The following ITSN1 variants were observed in gnomAD, a reference collection of about 807,000 sequenced individuals.
The protein encoded by ITSN1 is intersectin-1.
ITSN1 carries 58 observed loss-of-function variants against 239.8 expected under a neutral mutation model. The ratio of observed to expected loss-of-function variants is 0.24; its 90% CI spans 0.20 to 0.30. ITSN1 has a LOEUF of 0.30. ITSN1 is among the 10% of genes least tolerant of loss of function. The pLI is 1.00. For synonymous variants in ITSN1, 780 were observed against 770.8 expected, an observed-to-expected ratio of 1.01 and a Z score of -0.20; for missense variants, 1,558 against 2,103.3, an observed-to-expected ratio of 0.74 and a Z score of 5.07.
chr21:33,734,910 A>G, intron 4 of ITSN1, 134 bp from the exon 5 acceptor site: 1 of 618,132 alleles, frequency 1.6e-6, no homozygotes, highest in Non-Finnish European at 2.6e-6. Context: ...AGTTTGGTAA[A>G]CAGTTATGTT....
intron 1 of ITSN1, among the ~76,000 whole-genome samples, chr21:33,692,003 G>A (rs570603990): frequency 6.6e-6 from 1 of 152,346 alleles, no homozygotes; most frequent in Admixed American, 6.5e-5. Context: ...CATCAAAGGT[G>A]GGGGTGAGGA....
At chr21:33,826,993 C>A in intron 26 of ITSN1, 130 bp downstream of exon 26, 1 of 731,696 alleles carries the variant, frequency 1.4e-6, no homozygotes, top group Non-Finnish European at 2.3e-6. Context: ...GAGAGTAAGT[C>A]CTTTCCTTGG....
chr21:33,695,566 T>C (rs2091756540), intron 1 of ITSN1, among the ~76,000 whole-genome samples: 1 of 152,228 alleles, frequency 6.6e-6, no homozygotes, highest in African/African-American at 2.4e-5. Flanking sequence ...CAGTGAAATT[T>C]GAATGTGCAA....
intron 1 of ITSN1, among the ~76,000 whole-genome samples, chr21:33,665,517 A>T (rs2089872563): frequency 1.3e-5 from 2 of 152,216 alleles, no homozygotes; most frequent in African/African-American, 2.4e-5. Flanking sequence ...AAGAAACTGG[A>T]ATCCTCATAT....
chr21:33,711,653 TGTGTGTG>T (rs1215361629), intron 1 of ITSN1, among the ~76,000 whole-genome samples: 22 of 10,804 alleles, frequency 2.0e-3, no homozygotes, highest in East Asian at 0.025. Context: ...TTCTGTGTGT[TGTGTGTG>T]TGTGTGTGTG....
intron 33 of ITSN1, among the ~76,000 whole-genome samples, chr21:33,868,570 C>G (rs1021307520): frequency 6.6e-6 from 1 of 152,206 alleles, no homozygotes; most frequent in Non-Finnish European, 1.5e-5. Flanking sequence ...GTGCTAAGTC[C>G]CTCATTGCCC....
At chr21:33,814,177 T>C (rs2073112045) in intron 22 of ITSN1, 105 bp downstream of exon 22, 7 of 1,272,234 alleles carry the variant, frequency 5.5e-6, no homozygotes, top group South Asian at 1.5e-5. Flanking sequence ...CCTTGTTATG[T>C]GTGTCTTGGT....
At chr21:33,781,220 A>C (rs1027675033) in intron 14 of ITSN1, among the ~76,000 whole-genome samples, 1 of 152,204 alleles carries the variant, frequency 6.6e-6, no homozygotes. Flanking sequence ...ATATCCGGTA[A>C]GTCAACAAAA....
chr21:33,670,612 A>G (rs1343090678), intron 1 of ITSN1, among the ~76,000 whole-genome samples: 1 of 152,192 alleles, frequency 6.6e-6, no homozygotes, highest in African/African-American at 2.4e-5. Flanking sequence ...ACATGCATGA[A>G]TCATTGCAGC....
rs868412077 is a variant in ITSN1 at position 33,756,282 on chromosome 21, C to T, written c.724+885C>T. Among the ~76,000 whole-genome samples the T allele has an allele frequency of 1.7e-4, 22 of 129,266 alleles. 1 individual carries two copies. The South Asian group carries it at 3.8e-3, about 22-fold the overall frequency. 84.8% of individuals were successfully genotyped at this position (129,266 alleles called of 152,430 possible). On this transcript the variant is annotated intron_variant, in intron 8 of 39. Transcript: ENST00000381318. Reference sequence around the variant, plus strand: ...CATCCTGGGCTGCAGAGTGAGACTCCGTCTCAAAAAAAAAAAAAAAAAAAA... The same window carrying T: ...CATCCTGGGCTGCAGAGTGAGACTCTGTCTCAAAAAAAAAAAAAAAAAAAA...
chr21:33,650,685 T>C (rs2088437695), intron 1 of ITSN1, among the ~76,000 whole-genome samples: 1 of 152,242 alleles, frequency 6.6e-6, no homozygotes, highest in Non-Finnish European at 1.5e-5. Flanking sequence ...AATTGGAGAA[T>C]TGCATTTTGG....
At chr21:33,728,520 G>C (rs1403316824) in intron 4 of ITSN1, among the ~76,000 whole-genome samples, 1 of 152,178 alleles carries the variant, frequency 6.6e-6, no homozygotes, top group African/African-American at 2.4e-5. Context: ...GAGCCACCCT[G>C]CCCAGCCTTC....
At chr21:33,846,268 C>G (rs1337452117) in intron 29 of ITSN1, among the ~76,000 whole-genome samples, 2 of 152,180 alleles carry the variant, frequency 1.3e-5, no homozygotes, top group Non-Finnish European at 2.9e-5. Context: ...GCCCACCTGC[C>G]TTCACCTCTC....
chr21:33,663,602 T>A (rs1217985433), intron 1 of ITSN1, among the ~76,000 whole-genome samples: 1 of 151,368 alleles, frequency 6.6e-6, no homozygotes, highest in Admixed American at 6.5e-5. Context: ...ACCTGGTGAT[T>A]AAATTCTTTT....
intron 29 of ITSN1, among the ~76,000 whole-genome samples, chr21:33,845,673 A>G (rs931829258): frequency 1.3e-5 from 2 of 152,136 alleles, no homozygotes; most frequent in Non-Finnish European, 2.9e-5. Context: ...CTGTGCTTGC[A>G]GAGGGGAAAC....
intron 33 of ITSN1, among the ~76,000 whole-genome samples, chr21:33,874,411 G>A (rs1213379874): frequency 6.6e-6 from 1 of 152,152 alleles, no homozygotes; most frequent in Non-Finnish European, 1.5e-5. Context: ...CAGGCTGCAT[G>A]CTAAGCATAG....
At chr21:33,742,058 C>CT (rs758936755) in intron 5 of ITSN1, among the ~76,000 whole-genome samples, 4,490 of 138,872 alleles carry the variant, frequency 0.032, 228 homozygotes, top group African/African-American at 0.1. Context: ...TTTTTAAAAT[C>CT]TTTTTTTTTT....
chr21:33,652,215 A>G (rs2088605579), intron 1 of ITSN1, among the ~76,000 whole-genome samples: 1 of 152,180 alleles, frequency 6.6e-6, no homozygotes, highest in Non-Finnish European at 1.5e-5. Context: ...GTCCAGGGCC[A>G]GTCAACCCAG....
intron 29 of ITSN1, chr21:33,837,907 A>T (rs149668117): frequency 1.0e-6 from 1 of 985,708 alleles, no homozygotes; most frequent in Non-Finnish European, 1.2e-6. Flanking sequence ...AACGATATCC[A>T]CAGTCTCTTT....
Sources: gnomAD v4.1 joint callset for allele counts (sites outside exome capture counted in the v4.1 genomes callset) on GRCh38, gnomAD v4.1.1 for gene constraint, MANE v1.5 for transcripts, NCBI Gene and HGNC (gene_info 2026-07-23, HGNC 2026-07-21) for gene names.